Variants in RBFOX1 observed in about 807,000 individuals in gnomAD.
The protein encoded by RBFOX1 is RNA binding protein fox-1 homolog 1.
Under a neutral mutation model 57.7 loss-of-function variants are expected in RBFOX1, and 8 were observed. That is an observed-to-expected ratio of 0.14 (90% CI 0.08 to 0.25). The LOEUF is 0.25. Ranked by LOEUF, RBFOX1 falls within the 10% of genes least tolerant of loss-of-function variation. The pLI, the probability that RBFOX1 is intolerant of heterozygous loss-of-function variation, is 1.00. For missense variants in RBFOX1, 611 were observed against 548.5 expected (o/e 1.11, Z -1.14); for synonymous variants, 326 against 222.4 (o/e 1.47, Z -4.15).
chr16:6,977,717 A>G (rs1000141286), intron 3 of RBFOX1, among the ~76,000 whole-genome samples: 5 of 152,088 alleles, frequency 3.3e-5, no homozygotes, highest in African/African-American at 9.7e-5. Flanking sequence ...ATGAATTGAA[A>G]TTGTGGGTGG....
intron 4 of RBFOX1, among the ~76,000 whole-genome samples, chr16:7,329,264 T>C (rs950010686): frequency 1.8e-4 from 28 of 152,340 alleles, no homozygotes; most frequent in African/African-American, 6.7e-4. Context: ...GGGATCTGCC[T>C]GTTTCTTAGC....
chr16:6,972,284 T>C (rs951471603), intron 3 of RBFOX1, among the ~76,000 whole-genome samples: 2 of 152,072 alleles, frequency 1.3e-5, no homozygotes, highest in African/African-American at 2.4e-5. Flanking sequence ...TAACTGTCAT[T>C]CTACTTTTTG....
At position 6,764,749 on chromosome 16, in the gene RBFOX1, C is replaced by T. The variant is rs537385867; in HGVS notation, c.-16+110099C>T. ...GTCAGGTGTACGAGACCAACCTGGC[C>T]AACATGGTGAAACCCTGTCTCTACC... On this transcript the variant is annotated intron_variant, in intron 3 of 15. Transcript: ENST00000550418. 6.6e-4 allele frequency among the ~76,000 whole-genome samples: 100 copies of T among 152,102 alleles called. 3 individuals are homozygous for T. The South Asian group carries it at 0.02, about 30-fold the overall frequency.
chr16:6,011,173 G>A (rs576475794), intron 4 of RBFOX1, among the ~76,000 whole-genome samples: 10 of 152,280 alleles, frequency 6.6e-5, no homozygotes, highest in African/African-American at 2.4e-4. Flanking sequence ...CGCCCCTGAG[G>A]TGTTAGTACA....
chr16:6,948,047 G>T (rs902302303), intron 3 of RBFOX1, among the ~76,000 whole-genome samples: 1 of 151,966 alleles, frequency 6.6e-6, no homozygotes, highest in Non-Finnish European at 1.5e-5. Context: ...CCAAAATGTT[G>T]GGATTACAAG....
chr16:7,325,838 G>A (rs1005734761), intron 4 of RBFOX1, among the ~76,000 whole-genome samples: 13 of 152,164 alleles, frequency 8.5e-5, no homozygotes, highest in African/African-American at 2.9e-4. Context: ...TAAATATTAT[G>A]TAGCATCTCA....
intron 4 of RBFOX1, among the ~76,000 whole-genome samples, chr16:7,481,158 G>C (rs13337038): frequency 2.0e-5 from 3 of 152,130 alleles, no homozygotes; most frequent in East Asian, 3.9e-4. Context: ...TACATACTCC[G>C]CAAGGCTGTC....
intron 4 of RBFOX1, among the ~76,000 whole-genome samples, chr16:7,381,166 C>G (rs1447357576): frequency 6.6e-6 from 1 of 152,190 alleles, no homozygotes; most frequent in African/African-American, 2.4e-5. Flanking sequence ...GAACTTCTCC[C>G]ACGTTAAACT....
intron 1 of RBFOX1, among the ~76,000 whole-genome samples, chr16:5,378,188 G>T (rs752321987): frequency 6.6e-6 from 1 of 151,648 alleles, no homozygotes; most frequent in Admixed American, 6.5e-5. Flanking sequence ...TTCAGCAACA[G>T]CTTCTCCTTG....
Position 7,020,867 on chromosome 16 carries a change from C to G in RBFOX1, c.-15-31190C>G, listed in dbSNP as rs566959460. Among the ~76,000 whole-genome samples, 16 of 152,302 alleles carry G rather than the reference C, an allele frequency of 1.1e-4. No individual in the cohort carries two copies. In the East Asian group the frequency reaches 3.1e-3, roughly 30 times the overall value. On this transcript the variant is annotated intron_variant, in intron 3 of 15. Transcript: ENST00000550418. ...CGAGGCCAGTCTTGAAGGCTCATGC[C>G]TGTAATCCCAGAACTTTGCGATGCT...
At chr16:6,916,010 C>T (rs1003964253) in intron 3 of RBFOX1, among the ~76,000 whole-genome samples, 4 of 141,470 alleles carry the variant, frequency 2.8e-5, no homozygotes, top group Non-Finnish European at 6.4e-5. Flanking sequence ...ACTGGGAAAA[C>T]TTAAAGACAG....
intron 2 of RBFOX1, among the ~76,000 whole-genome samples, chr16:6,335,319 G>C (rs542900201): frequency 3.2e-4 from 48 of 152,230 alleles, no homozygotes; most frequent in Non-Finnish European, 6.2e-4. Context: ...GTAGGTCTTG[G>C]TACTGCATGC....
intron 2 of RBFOX1, among the ~76,000 whole-genome samples, chr16:6,402,019 A>C (rs755539591): frequency 1.3e-5 from 2 of 151,680 alleles, no homozygotes; most frequent in East Asian, 1.9e-4. Context: ...TCTGGCCCCA[A>C]CCGTGATACC....
At chr16:7,365,872 C>G (rs1478294122) in intron 4 of RBFOX1, among the ~76,000 whole-genome samples, 1 of 152,172 alleles carries the variant, frequency 6.6e-6, no homozygotes, top group African/African-American at 2.4e-5. Context: ...AATATTAATA[C>G]CCTAAGACTC....
chr16:6,135,785 C>CTTTT lies in RBFOX1; in HGVS notation c.-127+115817_-127+115820dup, dbSNP rs35563303. On this transcript the variant is annotated intron_variant, in intron 1 of 15. Coordinates refer to ENST00000550418, the MANE Select transcript of RBFOX1 (RefSeq NM_018723.4). ...TTCCTGGAGATGGCACTCGTTTCGA[C>CTTTT]TTTTTTTTTTTTTTTTTTTTTTTTT... Among the ~76,000 whole-genome samples, 18 of 85,024 alleles carry CTTTT rather than the reference C, an allele frequency of 2.1e-4. 1 individual carries two copies. The highest frequency in any genetic ancestry group is 3.8e-4 in the South Asian group (1 of 2,602). 55.8% of individuals were successfully genotyped at this position (85,024 alleles called of 152,430 possible).
chr16:5,433,092 G>A (rs1261706473), intron 1 of RBFOX1, among the ~76,000 whole-genome samples: 1 of 152,190 alleles, frequency 6.6e-6, no homozygotes, highest in Non-Finnish European at 1.5e-5. Flanking sequence ...TTAGAGAGAA[G>A]ACAACAACCC....
At chr16:7,138,731 G>A (rs910586092) in intron 4 of RBFOX1, among the ~76,000 whole-genome samples, 2 of 152,098 alleles carry the variant, frequency 1.3e-5, no homozygotes, top group African/African-American at 4.8e-5. Context: ...TCTGCAGGCC[G>A]TATGCTTGAG....
chr16:6,930,281 G>C (rs1418687903), intron 3 of RBFOX1, among the ~76,000 whole-genome samples: 2 of 152,164 alleles, frequency 1.3e-5, no homozygotes, highest in Non-Finnish European at 2.9e-5. Context: ...GAATAGACGT[G>C]TCTCCAAAAG....
chr16:6,030,150 A>T lies in RBFOX1; in HGVS notation c.-127+10158A>T, dbSNP rs139336163. On this transcript the variant is annotated intron_variant, in intron 1 of 15. Transcript: ENST00000550418. The stretch of plus-strand genomic sequence containing the variant: ...ACCATGTTGCCCAGGCTGGTCTTGA[A>T]CTCCTGGGGTCAAGCAATCTTCCCT... Among the ~76,000 whole-genome samples the T allele has an allele frequency of 1.5e-3, 225 of 151,726 alleles. 1 individual carries two copies. The highest frequency in any genetic ancestry group is 4.8e-3 in the African/African-American group (197 of 41,320).
Sources: gnomAD v4.1 joint callset for allele counts (sites outside exome capture counted in the v4.1 genomes callset) on GRCh38, gnomAD v4.1.1 for gene constraint, MANE v1.5 for transcripts, NCBI Gene and HGNC (gene_info 2026-07-23, HGNC 2026-07-21) for gene names.